Variants in ANO10 observed in about 807,000 individuals in gnomAD.
ANO10 encodes anoctamin 10, also known as anoctamin-10.
ANO10 carries 77 observed loss-of-function variants against 74.7 expected under a neutral mutation model. That is an observed-to-expected ratio of 1.03 (90% confidence interval 0.86 to 1.25). ANO10 has a LOEUF of 1.25. ANO10 is among the 50% of genes most tolerant of loss of function. The pLI is 0.00. For missense variants in ANO10, 721 were observed against 778.1 expected, an observed-to-expected ratio of 0.93 and a Z score of 0.87; for synonymous variants, 279 against 284.9, an observed-to-expected ratio of 0.98 and a Z score of 0.21.
At chr3:43,478,004 A>G (rs1158725766) in intron 11 of ANO10, among the ~76,000 whole-genome samples, 1 of 152,146 alleles carries the variant, frequency 6.6e-6, no homozygotes, top group Non-Finnish European at 1.5e-5. Context: ...CTTTACCACA[A>G]TGCTTACCTT....
chr3:43,380,585 G>A (rs957207477), intron 12 of ANO10, among the ~76,000 whole-genome samples: 2 of 152,094 alleles, frequency 1.3e-5, no homozygotes, highest in Admixed American at 6.6e-5. Context: ...TGTGTCTACC[G>A]AAACTAAGCT....
intron 1 of ANO10, among the ~76,000 whole-genome samples, chr3:43,662,151 TG>T (rs1160262776): frequency 6.6e-6 from 1 of 152,158 alleles, no homozygotes; most frequent in Non-Finnish European, 1.5e-5. Flanking sequence ...ACCACATAAT[TG>T]GAAGTAAAAC....
intron 11 of ANO10, among the ~76,000 whole-genome samples, chr3:43,454,928 GA>G (rs2149006776): frequency 6.6e-6 from 1 of 152,282 alleles, no homozygotes; most frequent in East Asian, 1.9e-4. Flanking sequence ...TGATCCTATA[GA>G]AAGGGAAAAA....
intron 11 of ANO10, among the ~76,000 whole-genome samples, chr3:43,449,208 T>C (rs1386572697): frequency 6.6e-6 from 1 of 151,698 alleles, no homozygotes; most frequent in Non-Finnish European, 1.5e-5. Context: ...GTTTCAAGAG[T>C]TTTTTTTGTA....
intron 1 of ANO10, among the ~76,000 whole-genome samples, chr3:43,664,963 G>C (rs535044106): frequency 7.9e-5 from 12 of 152,180 alleles, no homozygotes; most frequent in African/African-American, 2.9e-4. Flanking sequence ...GGAAGACAGT[G>C]TGGCAATTCC....
intron 1 of ANO10, among the ~76,000 whole-genome samples, chr3:43,666,794 G>A (rs1233097922): frequency 6.6e-6 from 1 of 152,118 alleles, no homozygotes; most frequent in Non-Finnish European, 1.5e-5. Flanking sequence ...GGCTCTTCTT[G>A]CTGCATCCTC....
intron 4 of ANO10, among the ~76,000 whole-genome samples, chr3:43,589,215 T>C (rs77096114): frequency 6.9e-6 from 1 of 144,234 alleles, no homozygotes; most frequent in African/African-American, 2.5e-5. Context: ...TCAGGGGTTA[T>C]AAAAAAATAG....
At chr3:43,589,133 G>C (rs1164857108) in intron 4 of ANO10, among the ~76,000 whole-genome samples, 1 of 151,518 alleles carries the variant, frequency 6.6e-6, no homozygotes, top group Non-Finnish European at 1.5e-5. Flanking sequence ...AAGCAAGTAT[G>C]GTTCACCATG....
At chr3:43,629,529 T>C (rs1174324240) in intron 1 of ANO10, among the ~76,000 whole-genome samples, 1 of 152,146 alleles carries the variant, frequency 6.6e-6, no homozygotes, top group African/African-American at 2.4e-5. Context: ...CAGGCTTCTG[T>C]GTTGAGATAC....
chr3:43,561,177 T>C (rs1285457648), intron 9 of ANO10, 43 bp downstream of exon 9: 3 of 1,598,744 alleles, frequency 1.9e-6, no homozygotes, highest in Non-Finnish European at 2.6e-6. Context: ...ATGGCTATTA[T>C]TCACTCTCAG....
rs76414102 is a variant in ANO10 at position 43,676,355 on chromosome 3, G to C, written c.-12+15162C>G. ...GTAAGCATGTGGTCCCAGGTACACA[G>C]AGGTTGAGCCAGGAGGATTGTTTAA... On this transcript the variant is annotated intron_variant, in intron 1 of 3. Transcript: ENST00000413397. Among the ~76,000 whole-genome samples the C allele has an allele frequency of 8.8e-3, 1,342 of 152,180 alleles. 15 individuals carry two copies. Among genetic ancestry groups the C allele is most frequent in the Middle Eastern group, 0.014 (4 of 294 alleles).
intron 10 of ANO10, among the ~76,000 whole-genome samples, chr3:43,553,957 A>G (rs1167539730): frequency 2.0e-5 from 3 of 152,190 alleles, no homozygotes; most frequent in African/African-American, 7.2e-5. Context: ...CTAAAATATC[A>G]ATGTGATTCT....
At chr3:43,668,902 G>A (rs773497088) in intron 1 of ANO10, among the ~76,000 whole-genome samples, 2 of 151,802 alleles carry the variant, frequency 1.3e-5, no homozygotes, top group Non-Finnish European at 2.9e-5. Context: ...TTTTAATTGA[G>A]CATTAATTAC....
chr3:43,460,077 T>C (rs2075311997), intron 11 of ANO10, among the ~76,000 whole-genome samples: 2 of 152,058 alleles, frequency 1.3e-5, no homozygotes, highest in Non-Finnish European at 2.9e-5. Context: ...AAGGCATCCA[T>C]AATAATGAGG....
chr3:43,654,059 G>A (rs2083819014), intron 1 of ANO10, among the ~76,000 whole-genome samples: 1 of 151,814 alleles, frequency 6.6e-6, no homozygotes, highest in Non-Finnish European at 1.5e-5. Flanking sequence ...GGGCAGAGAA[G>A]ACAGAATTAC....
At position 43,585,051 on chromosome 3, in the gene ANO10, C is replaced by T. The variant is rs75297198; in HGVS notation, c.473-4579G>A. 2.9e-3 allele frequency among the ~76,000 whole-genome samples: 438 copies of T among 152,156 alleles called. 1 individual carries two copies. The highest frequency in any genetic ancestry group is 5.0e-3 in the Non-Finnish European group (340 of 68,008). ...ATGAAAATCTAGTATTTAAGTTACT[C>T]TAAGTTTTATTAGTTCTAAAATTTG... On this transcript the variant is annotated intron_variant, in intron 4 of 12. Transcript: ENST00000292246.
intron 11 of ANO10, chr3:43,485,669 TG>T: frequency 5.5e-6 from 1 of 181,714 alleles, no homozygotes. Flanking sequence ...TCACCCGCAG[TG>T]GGGGCTTCTC....
At chr3:43,574,603 A>G (rs529203361) in intron 7 of ANO10, among the ~76,000 whole-genome samples, 18 of 152,282 alleles carry the variant, frequency 1.2e-4, no homozygotes, top group Admixed American at 3.9e-4. Flanking sequence ...ACTAACTCCT[A>G]TATTTTGAAG....
In ANO10 at chr3:43,594,287, C is replaced by A. The variant is rs188750537; in HGVS notation, c.472+4245G>T. On this transcript the variant is annotated intron_variant, in intron 4 of 12. Coordinates refer to ENST00000292246, the MANE Select transcript of ANO10 (RefSeq NM_018075.5). ...TAATAGACATCTACAGAACTCTCCA[C>A]CCCAAATCAACAGAATATACATTCT... is the stretch of plus-strand genomic sequence containing the variant. Among the ~76,000 whole-genome samples the A allele has an allele frequency of 4.7e-3, 717 of 152,310 alleles. 5 individuals carry two copies. Among genetic ancestry groups the A allele is most frequent in the African/African-American group, 0.017 (689 of 41,562 alleles).
Sources: gnomAD v4.1 joint callset for allele counts (sites outside exome capture counted in the v4.1 genomes callset) on GRCh38, gnomAD v4.1.1 for gene constraint, MANE v1.5 for transcripts, NCBI Gene and HGNC (gene_info 2026-07-23, HGNC 2026-07-21) for gene names.